The following MYT1L variants were observed in gnomAD, a reference collection of about 807,000 sequenced individuals.
The protein encoded by MYT1L is myelin transcription factor 1 like, also known as myelin transcription factor 1-like protein.
MYT1L carries 12 observed loss-of-function variants against 126.7 expected under a neutral mutation model. That is an observed-to-expected ratio of 0.09 (90% CI 0.06 to 0.15). MYT1L has a LOEUF of 0.15. Ranked by LOEUF, MYT1L falls within the 10% of genes least tolerant of loss-of-function variation. The pLI is 1.00. For synonymous variants in MYT1L, 541 were observed against 604.2 expected (o/e 0.90, Z 1.53); for missense variants, 979 against 1,585.2 (o/e 0.62, Z 6.49).
rs1558594807 is a variant in MYT1L, at chr2:1,974,177, A to T, written c.152+4988T>A. Among the ~76,000 whole-genome samples, 3 of 152,184 alleles carry T rather than the reference A, an allele frequency of 2.0e-5. No homozygotes were observed. In the South Asian group the frequency reaches 6.2e-4, roughly 31 times the overall value. ...TTGGGGACCGAAACTAAATCTTGGGATACTCACTTAGGATGACTGAGGTTT... is the reference window on the plus strand; with the variant it reads ...TTGGGGACCGAAACTAAATCTTGGGTTACTCACTTAGGATGACTGAGGTTT... On this transcript the variant is annotated intron_variant, in intron 8 of 24. Coordinates refer to ENST00000647738, the MANE Select transcript of MYT1L (RefSeq NM_001303052.2).
At chr2:2,081,693 T>G (rs866742089) in intron 3 of MYT1L, among the ~76,000 whole-genome samples, 12 of 152,208 alleles carry the variant, frequency 7.9e-5, no homozygotes, top group African/African-American at 2.2e-4. Flanking sequence ...GAGGTTATTC[T>G]TTTTAACCTC....
intron 2 of MYT1L, among the ~76,000 whole-genome samples, chr2:2,210,154 T>C (rs1485080318): frequency 2.0e-5 from 3 of 152,332 alleles, no homozygotes; most frequent in Admixed American, 2.0e-4. Context: ...GATTATTTTC[T>C]ATAGATTTGT....
intron 2 of MYT1L, among the ~76,000 whole-genome samples, chr2:2,186,273 C>G (rs1289559425): frequency 2.7e-5 from 4 of 148,508 alleles, no homozygotes; most frequent in Non-Finnish European, 5.9e-5. Context: ...TCCCGAGTCC[C>G]GCGTTCCTTT....
At chr2:1,838,975 C>T (rs1384811322) in intron 21 of MYT1L, among the ~76,000 whole-genome samples, 174 bp downstream of exon 21, 3 of 152,224 alleles carry the variant, frequency 2.0e-5, no homozygotes, top group Non-Finnish European at 4.4e-5. Flanking sequence ...TAAGATGTTT[C>T]AACACTGTCC....
At chr2:2,096,468 C>T (rs1194823676) in intron 3 of MYT1L, among the ~76,000 whole-genome samples, 1 of 152,206 alleles carries the variant, frequency 6.6e-6, no homozygotes, top group African/African-American at 2.4e-5. Context: ...CCTAGACATG[C>T]TATTTACAAA....
chr2:2,201,543 C>T (rs2093072680), intron 2 of MYT1L, among the ~76,000 whole-genome samples: 4 of 151,984 alleles, frequency 2.6e-5, no homozygotes, highest in African/African-American at 9.7e-5. Context: ...ACTGAAAATA[C>T]ACAAATTAGC....
intron 13 of MYT1L, among the ~76,000 whole-genome samples, chr2:1,905,046 G>A (rs112716960): frequency 0.064 from 9,756 of 151,694 alleles, 938 homozygotes; most frequent in African/African-American, 0.21. Flanking sequence ...TCCACCCACC[G>A]CCTGGCTAAG....
chr2:1,888,337 T>C (rs1264605503), intron 16 of MYT1L, among the ~76,000 whole-genome samples: 5 of 152,164 alleles, frequency 3.3e-5, no homozygotes, highest in Non-Finnish European at 7.3e-5. Flanking sequence ...GAGAAAAAAA[T>C]ACTTAGAAAT....
intron 4 of MYT1L, among the ~76,000 whole-genome samples, chr2:2,011,941 C>T (rs1483395676): frequency 6.6e-6 from 1 of 152,130 alleles, no homozygotes; most frequent in Non-Finnish European, 1.5e-5. Context: ...GCCCCAGGTG[C>T]TAGACCACCA....
rs532140021 is a variant in MYT1L at position 2,129,423 on chromosome 2, T to C, written c.-304+43449A>G. Among the ~76,000 whole-genome samples, 176 of 152,244 alleles carry C rather than the reference T, an allele frequency of 1.2e-3. 2 individuals carry two copies. In the Middle Eastern group the frequency reaches 0.017, roughly 15 times the overall value. On this transcript the variant is annotated intron_variant, in intron 3 of 24. Coordinates refer to ENST00000647738, the MANE Select transcript of MYT1L (RefSeq NM_001303052.2). ...ATAGAAATGGGAAAAAACAGTTTGATTGAAAAGAATGAAGAGCTTAGAAAA... is the reference window on the plus strand; with the variant it reads ...ATAGAAATGGGAAAAAACAGTTTGACTGAAAAGAATGAAGAGCTTAGAAAA...
intron 3 of MYT1L, among the ~76,000 whole-genome samples, chr2:2,152,022 C>T (rs2085878959): frequency 6.6e-6 from 1 of 152,224 alleles, no homozygotes; most frequent in African/African-American, 2.4e-5. Context: ...CGCCACCACA[C>T]TCCAGCCTGG....
chr2:1,857,184 G>C (rs995357931), intron 18 of MYT1L, among the ~76,000 whole-genome samples: 1 of 152,200 alleles, frequency 6.6e-6, no homozygotes. Flanking sequence ...GCATGACTGC[G>C]GGCCAAGACC....
At chr2:2,169,586 C>T (rs1218787679) in intron 3 of MYT1L, among the ~76,000 whole-genome samples, 1 of 152,128 alleles carries the variant, frequency 6.6e-6, no homozygotes, top group Non-Finnish European at 1.5e-5. Flanking sequence ...AACCGGAAAT[C>T]GTTCTCTTTT....
At chr2:1,869,129 C>A (rs538692637) in intron 18 of MYT1L, among the ~76,000 whole-genome samples, 1 of 152,342 alleles carries the variant, frequency 6.6e-6, no homozygotes, top group East Asian at 1.9e-4. Context: ...AAAACAGAAA[C>A]CAGAATCACG....
intron 2 of MYT1L, among the ~76,000 whole-genome samples, chr2:2,260,159 G>A (rs748876932): frequency 2.0e-5 from 3 of 152,210 alleles, no homozygotes; most frequent in Admixed American, 6.5e-5. Flanking sequence ...TTCACAATGC[G>A]TGATGAGATT....
chr2:2,150,074 T>C (rs1031892664), intron 3 of MYT1L, among the ~76,000 whole-genome samples: 1 of 152,092 alleles, frequency 6.6e-6, no homozygotes, highest in Non-Finnish European at 1.5e-5. Context: ...ATCTTCCACC[T>C]CCCTTTACAC....
intron 8 of MYT1L, among the ~76,000 whole-genome samples, chr2:1,968,502 T>C (rs1574077810): frequency 6.6e-6 from 1 of 152,228 alleles, no homozygotes; most frequent in Admixed American, 6.5e-5. Context: ...GTGCATTAGA[T>C]AATATTCACG....
chr2:2,006,082 G>T (rs1392107443), intron 4 of MYT1L, among the ~76,000 whole-genome samples: 3 of 151,292 alleles, frequency 2.0e-5, no homozygotes, highest in Non-Finnish European at 4.4e-5. Flanking sequence ...GTTCTTTCCT[G>T]CATGCCTTCT....
At chr2:2,019,062 A>C (rs1004454229) in intron 4 of MYT1L, among the ~76,000 whole-genome samples, 1 of 152,104 alleles carries the variant, frequency 6.6e-6, no homozygotes, top group African/African-American at 2.4e-5. Context: ...TCACAAAAAG[A>C]AATTAATTTG....
Sources: allele counts gnomAD v4.1 joint callset (sites outside exome capture counted in the v4.1 genomes callset), GRCh38; gene constraint gnomAD v4.1.1; transcripts MANE v1.5; gene names NCBI Gene and HGNC (gene_info 2026-07-23, HGNC 2026-07-21).